Variants in YAF2 observed in about 807,000 individuals in gnomAD.
YAF2 encodes YY1 associated factor 2, also known as YY1-associated factor 2.
YAF2 carries 7 observed loss-of-function variants against 20.1 expected under a neutral mutation model. The observed-to-expected ratio is 0.35, with a 90% CI of 0.20 to 0.65. YAF2 has a LOEUF of 0.65. Among genes scored for constraint, YAF2 ranks in the 30% least tolerant of loss-of-function variants. The pLI is 0.69. For synonymous variants in YAF2, 74 were observed against 76.0 expected, an observed-to-expected ratio of 0.97 and a Z score of 0.14; for missense variants, 151 against 219.2, an observed-to-expected ratio of 0.69 and a Z score of 1.96.
At chr12:42,195,680 T>C (rs578187301) in intron 2 of YAF2, among the ~76,000 whole-genome samples, 1 of 152,176 alleles carries the variant, frequency 6.6e-6, no homozygotes, top group African/African-American at 2.4e-5. Context: ...AAATCAAAGG[T>C]GAAGACACAG....
chr12:42,168,535 A>G (rs897632488), intron 2 of YAF2, among the ~76,000 whole-genome samples: 14 of 152,156 alleles, frequency 9.2e-5, no homozygotes, highest in Admixed American at 1.3e-4. Flanking sequence ...CAGTTTGAAG[A>G]GGCTTGGCTT....
rs762285951 is a variant in YAF2, at chr12:42,166,067, T to G, written c.153-4302A>C. Among the ~76,000 whole-genome samples, 19 of 152,142 alleles carry G rather than the reference T, an allele frequency of 1.2e-4. No homozygotes were observed. The East Asian group carries it at 3.5e-3, about 28-fold the overall frequency. On this transcript the variant is annotated intron_variant, in intron 2 of 3. Transcript: ENST00000534854. ...CCGAGTAGCTGGGATTACAAGCGTG[T>G]GCCACCATGCCTGGCTAATTTTTTA...
chr12:42,196,227 G>A (rs1272068137), intron 2 of YAF2, among the ~76,000 whole-genome samples: 5 of 74,510 alleles, frequency 6.7e-5, no homozygotes, highest in Admixed American at 1.8e-4. Flanking sequence ...AATCCATCTG[G>A]AAAAAAAAAA....
intron 2 of YAF2, among the ~76,000 whole-genome samples, chr12:42,192,557 A>AT (rs1372384692): frequency 1.3e-5 from 2 of 152,248 alleles, no homozygotes; most frequent in African/African-American, 2.4e-5. Context: ...TCTAGGTACA[A>AT]TAAGTATCTT....
chr12:42,199,691 A>G (rs1052661929), intron 2 of YAF2: 4 of 153,284 alleles, frequency 2.6e-5, no homozygotes, highest in African/African-American at 9.6e-5. Context: ...AATACAGAAC[A>G]TAACAGTTTC....
intron 2 of YAF2, among the ~76,000 whole-genome samples, chr12:42,196,227 GAA>G (rs34267272): frequency 0.016 from 1,183 of 74,470 alleles, 11 homozygotes; most frequent in African/African-American, 0.059. Flanking sequence ...AATCCATCTG[GAA>G]AAAAAAAAAA....
chr12:42,187,733 A>G (rs987908431), intron 2 of YAF2, among the ~76,000 whole-genome samples: 13 of 152,150 alleles, frequency 8.5e-5, no homozygotes, highest in African/African-American at 3.1e-4. Flanking sequence ...AATAATAACT[A>G]TTTGTTCTTA....
At chr12:42,228,034 T>TCCGCCCGG (rs2067805424) in intron 2 of YAF2, among the ~76,000 whole-genome samples, 1 of 61,694 alleles carries the variant, frequency 1.6e-5, no homozygotes, top group Non-Finnish European at 3.2e-5. Flanking sequence ...GGGTCAGCCC[T>TCCGCCCGG]CCGCCCGGCC....
chr12:42,230,452 AT>A (rs1396132187), intron 2 of YAF2, among the ~76,000 whole-genome samples: 1 of 152,150 alleles, frequency 6.6e-6, no homozygotes, highest in African/African-American at 2.4e-5. Context: ...CTCAGCCTTT[AT>A]TCAGCAGCCA....
chr12:42,187,517 T>C (rs191484567), intron 2 of YAF2, among the ~76,000 whole-genome samples: 1 of 152,254 alleles, frequency 6.6e-6, no homozygotes, highest in Non-Finnish European at 1.5e-5. Flanking sequence ...TCTATATTCT[T>C]TGTGTTCCAA....
At chr12:42,193,142 CTG>C (rs2066658916) in intron 2 of YAF2, among the ~76,000 whole-genome samples, 1 of 152,096 alleles carries the variant, frequency 6.6e-6, no homozygotes, top group Admixed American at 6.5e-5. Flanking sequence ...TGGTGAAACC[CTG>C]TCTCTCCTAA....
chr12:42,193,409 CTAT>C (rs2066667782), intron 2 of YAF2, among the ~76,000 whole-genome samples: 1 of 151,838 alleles, frequency 6.6e-6, no homozygotes, highest in Non-Finnish European at 1.5e-5. Flanking sequence ...TATGTATTTA[CTAT>C]ATTTTTTATT....
chr12:42,163,075 T>C (rs1287574284), intron 2 of YAF2, among the ~76,000 whole-genome samples: 1 of 152,076 alleles, frequency 6.6e-6, no homozygotes, highest in Non-Finnish European at 1.5e-5. Flanking sequence ...CCCCGCAGGA[T>C]TTCTGATTCA....
intron 2 of YAF2, among the ~76,000 whole-genome samples, chr12:42,210,193 A>C (rs1409113235): frequency 6.6e-6 from 1 of 152,226 alleles, no homozygotes; most frequent in Non-Finnish European, 1.5e-5. Flanking sequence ...TTAATAGCTC[A>C]GTATTTACTG....
chr12:42,168,941 A>C (rs902805544), intron 2 of YAF2, among the ~76,000 whole-genome samples: 36 of 152,270 alleles, frequency 2.4e-4, no homozygotes, highest in African/African-American at 8.2e-4. Flanking sequence ...CACCCCTCCC[A>C]TCATAAGAAC....
intron 2 of YAF2, chr12:42,199,426 A>G (rs1555157199): frequency 7.7e-6 from 2 of 258,150 alleles, no homozygotes; most frequent in Non-Finnish European, 1.5e-5. Flanking sequence ...CTTTCTCAGT[A>G]ATCTTTAGAT....
intron 2 of YAF2, chr12:42,235,395 T>C (rs1489506997): frequency 9.7e-7 from 1 of 1,027,650 alleles, no homozygotes; most frequent in Non-Finnish European, 1.2e-6. Context: ...AATATTAATA[T>C]TCTGTGATGC....
intron 2 of YAF2, among the ~76,000 whole-genome samples, chr12:42,195,881 G>A (rs1206342852): frequency 2.0e-5 from 3 of 152,046 alleles, no homozygotes; most frequent in Non-Finnish European, 4.4e-5. Flanking sequence ...AACTAAACTG[G>A]TGGTGGGGAA....
chr12:42,233,619 C>G (rs966162933), intron 2 of YAF2: 1 of 622,830 alleles, frequency 1.6e-6, no homozygotes, highest in African/African-American at 2.0e-5. Flanking sequence ...TCAAGGGATC[C>G]TCCCACTTCA....
Sources: gnomAD v4.1 joint callset for allele counts (sites outside exome capture counted in the v4.1 genomes callset) on GRCh38, gnomAD v4.1.1 for gene constraint, MANE v1.5 for transcripts, NCBI Gene and HGNC (gene_info 2026-07-23, HGNC 2026-07-21) for gene names.